Variants in ERC1 observed in about 807,000 individuals in gnomAD.
The protein encoded by ERC1 is ELKS/RAB6-interacting/CAST family member 1, also known as RAB6 interacting protein 2.
A neutral mutation model predicts 132.0 loss-of-function variants in ERC1; 56 were observed. That is an observed-to-expected ratio of 0.42 (90% CI 0.34 to 0.53). The LOEUF (loss-of-function observed/expected upper bound fraction) is 0.53, where lower values mean the gene tolerates loss of function less well. Among genes scored for constraint, ERC1 ranks in the 20% least tolerant of loss-of-function variants. The pLI, the probability that ERC1 is intolerant of heterozygous loss-of-function variation, is 0.03. For missense variants in ERC1, 1,202 were observed against 1,349.9 expected (o/e 0.89, Z 1.72); for synonymous variants, 478 against 476.1 (o/e 1.00, Z -0.05).
intron 7 of ERC1, among the ~76,000 whole-genome samples, chr12:1,139,365 A>G (rs1376106073): frequency 6.6e-6 from 1 of 152,082 alleles, no homozygotes; most frequent in Non-Finnish European, 1.5e-5. Flanking sequence ...CATAACCCTT[A>G]TTTTATTTAA....
intron 2 of ERC1, among the ~76,000 whole-genome samples, chr12:1,035,815 G>A (rs954563028): frequency 2.0e-5 from 3 of 151,972 alleles, no homozygotes; most frequent in Non-Finnish European, 4.4e-5. Context: ...CCAGCTACTC[G>A]GGAGGCTGAG....
At chr12:1,271,322 C>T (rs982187482) in intron 14 of ERC1, among the ~76,000 whole-genome samples, 3 of 152,028 alleles carry the variant, frequency 2.0e-5, no homozygotes, top group African/African-American at 7.2e-5. Flanking sequence ...AGATTTAAAA[C>T]GTCTTTTGGA....
intron 7 of ERC1, among the ~76,000 whole-genome samples, chr12:1,125,978 G>A (rs73591870): frequency 0.019 from 2,919 of 152,274 alleles, 92 homozygotes; most frequent in African/African-American, 0.067. Context: ...GGTTACCAGC[G>A]GCTGGGAAGG....
At chr12:1,312,957 G>C (rs947468316) in intron 15 of ERC1, among the ~76,000 whole-genome samples, 1 of 152,022 alleles carries the variant, frequency 6.6e-6, no homozygotes, top group East Asian at 1.9e-4. Flanking sequence ...GTATCACTTA[G>C]GGTTCTCTTA....
chr12:1,248,583 G>C (rs1190938482), intron 13 of ERC1, among the ~76,000 whole-genome samples: 1 of 152,166 alleles, frequency 6.6e-6, no homozygotes, highest in Non-Finnish European at 1.5e-5. Flanking sequence ...AGGTCAAAAG[G>C]GACCTTATAG....
At chr12:1,045,678 CCAAATGT>C (rs1398793930) in intron 2 of ERC1, among the ~76,000 whole-genome samples, 1 of 152,028 alleles carries the variant, frequency 6.6e-6, no homozygotes, top group Admixed American at 6.5e-5. Flanking sequence ...GGCTACAAAG[CCAAATGT>C]CATTGTGTTT....
At chr12:1,485,260 A>C (rs558097385) in intron 18 of ERC1, among the ~76,000 whole-genome samples, 3 of 131,522 alleles carry the variant, frequency 2.3e-5, no homozygotes, top group African/African-American at 5.9e-5. Flanking sequence ...GCTGGAGTGC[A>C]GTGGCGTGAT....
chr12:1,039,568 G>T (rs1969820455), intron 2 of ERC1, among the ~76,000 whole-genome samples: 1 of 151,790 alleles, frequency 6.6e-6, no homozygotes, highest in Non-Finnish European at 1.5e-5. Flanking sequence ...GATATAGACG[G>T]CAAGAGAGAA....
chr12:1,047,846 T>C (rs1443754206), intron 2 of ERC1, among the ~76,000 whole-genome samples: 5 of 152,172 alleles, frequency 3.3e-5, no homozygotes, highest in Admixed American at 2.0e-4. Context: ...ACTGACACTT[T>C]AGTAAGATTC....
At chr12:1,105,683 A>G (rs1945183268) in intron 4 of ERC1, among the ~76,000 whole-genome samples, 1 of 152,192 alleles carries the variant, frequency 6.6e-6, no homozygotes, top group Non-Finnish European at 1.5e-5. Flanking sequence ...AATACTTTTT[A>G]CTGCTTCTTC....
chr12:1,024,382 C>A (rs1015211375), intron 1 of ERC1, among the ~76,000 whole-genome samples: 8 of 152,120 alleles, frequency 5.3e-5, no homozygotes, highest in African/African-American at 1.9e-4. Flanking sequence ...CTTGTCTCAA[C>A]AAACAAAAAC....
At chr12:1,051,397 TAAAG>T (rs1427004332) in intron 2 of ERC1, among the ~76,000 whole-genome samples, 2 of 151,722 alleles carry the variant, frequency 1.3e-5, no homozygotes, top group East Asian at 3.9e-4. Context: ...TAATTAGAAA[TAAAG>T]AAGACTGGCT....
At chr12:1,374,093 G>A (rs2087576034) in intron 16 of ERC1, among the ~76,000 whole-genome samples, 1 of 152,176 alleles carries the variant, frequency 6.6e-6, no homozygotes, top group Admixed American at 6.5e-5. Flanking sequence ...ACTAACTTTT[G>A]GACAAGGGAG....
At chr12:1,133,012 C>T (rs1948912024) in intron 7 of ERC1, among the ~76,000 whole-genome samples, 2 of 152,058 alleles carry the variant, frequency 1.3e-5, no homozygotes, top group East Asian at 1.9e-4. Context: ...TGCACCACCA[C>T]GCCTGACTAA....
chr12:1,474,796 A>G (rs7973873), intron 18 of ERC1, among the ~76,000 whole-genome samples: 140,131 of 152,220 alleles, frequency 0.92, 64,568 homozygotes, highest in East Asian at 0.98. Context: ...TGTCTGCCAT[A>G]TGCTTGGAGA....
intron 12 of ERC1, among the ~76,000 whole-genome samples, chr12:1,235,124 TG>T (rs1392268187): frequency 6.6e-6 from 1 of 152,196 alleles, no homozygotes; most frequent in Non-Finnish European, 1.5e-5. Flanking sequence ...ATCCCAACAC[TG>T]GGAGGCAGAG....
chr12:1,388,054 C>T (rs1393897707), intron 16 of ERC1, among the ~76,000 whole-genome samples: 2 of 152,236 alleles, frequency 1.3e-5, no homozygotes, highest in Non-Finnish European at 2.9e-5. Flanking sequence ...AAGGAGAATA[C>T]TAAGAGACTA....
rs543726499 is a variant in ERC1, at chr12:1,304,925, G to A, written c.2780+14913G>A. 7.9e-3 allele frequency among the ~76,000 whole-genome samples: 1,188 copies of A among 150,996 alleles called. 8 individuals carry two copies. Among genetic ancestry groups the A allele is most frequent in the Admixed American group, 0.014 (208 of 15,156 alleles). The stretch of plus-strand genomic sequence containing the variant: ...CTACCTCAGCCTCCCGAGTAGCTGG[G>A]ACTACAGGCGCCCGCCCCCACGCCC... On this transcript the variant is annotated intron_variant, in intron 15 of 18. Transcript: ENST00000360905.
At chr12:1,329,144 A>G (rs918318691) in intron 15 of ERC1, among the ~76,000 whole-genome samples, 3 of 146,616 alleles carry the variant, frequency 2.0e-5, no homozygotes, top group Admixed American at 6.8e-5. Flanking sequence ...AAAATACAAA[A>G]TTAGCCAGGC....
Sources: allele counts gnomAD v4.1 joint callset (sites outside exome capture counted in the v4.1 genomes callset), GRCh38; gene constraint gnomAD v4.1.1; transcripts MANE v1.5; gene names NCBI Gene and HGNC (gene_info 2026-07-23, HGNC 2026-07-21).